Variants in C9 observed in about 807,000 individuals in gnomAD.
The protein encoded by C9 is complement C9, also known as complement component C9.
In C9, 63 loss-of-function variants were observed where a neutral mutation model predicts 65.4. The observed-to-expected ratio is 0.96, with a 90% CI of 0.79 to 1.19. The LOEUF is 1.19. Ranked by LOEUF, C9 falls within the 50% of genes most tolerant of loss-of-function variation. The probability of loss-of-function intolerance (pLI) is 0.00; values close to 1 mark genes in which losing one functional copy is unlikely to be tolerated. For synonymous variants in C9, 229 were observed against 227.9 expected (o/e 1.00, Z -0.04); for missense variants, 744 against 670.1 (o/e 1.11, Z -1.22).
intron 5 of C9, among the ~76,000 whole-genome samples, chr5:39,316,631 G>A (rs944718001): frequency 6.6e-6 from 1 of 152,160 alleles, no homozygotes; most frequent in Non-Finnish European, 1.5e-5. Flanking sequence ...ATGTGCTGAT[G>A]ATAATGGCTT....
intron 3 of C9, 61 bp from the exon 4 acceptor site, chr5:39,341,354 A>T: frequency 6.3e-7 from 1 of 1,589,262 alleles, no homozygotes; most frequent in Non-Finnish European, 8.6e-7. Context: ...TTTCTTTCTG[A>T]AGTTATCAAA....
chr5:39,342,104 C>G lies in C9; in HGVS notation c.170G>C (p.Cys57Ser), dbSNP rs779251528. 11 of 1,580,920 alleles carry G rather than the reference C, an allele frequency of 7.0e-6. No individual in the cohort carries two copies. The highest frequency in any genetic ancestry group is 9.6e-6 in the Non-Finnish European group (11 of 1,149,802). Residue 57 changes from cysteine to serine, a missense_variant, in exon 2 of 11, where the codon TGT (cysteine) becomes TCT (serine). Transcript: ENST00000263408. ...ATGAACACTTACCATTTGTCTGAGACAAGGATCGCATTGTGACCATTCACT... is the reference window on the plus strand; with the variant it reads ...ATGAACACTTACCATTTGTCTGAGAGAAGGATCGCATTGTGACCATTCACT... Reference protein sequence around the residue: ...PWSEWSQCDPCLRQMFRSRSI... With the variant: ...PWSEWSQCDPSLRQMFRSRSI...
At chr5:39,353,995 G>A (rs1399781134) in intron 1 of C9, among the ~76,000 whole-genome samples, 2 of 152,180 alleles carry the variant, frequency 1.3e-5, no homozygotes, top group African/African-American at 4.8e-5. Context: ...TTTGAGCAAG[G>A]ATTGCAAGGC....
chr5:39,331,916 C>G (rs879446850), intron 4 of C9, 102 bp from the exon 5 acceptor site: 2 of 961,578 alleles, frequency 2.1e-6, no homozygotes, highest in Non-Finnish European at 3.4e-6. Flanking sequence ...TTCATGTCAC[C>G]GTCACCCAAT....
intron 7 of C9, among the ~76,000 whole-genome samples, 200 bp downstream of exon 7, chr5:39,310,937 C>G (rs1291047904): frequency 6.6e-6 from 1 of 152,066 alleles, no homozygotes; most frequent in Non-Finnish European, 1.5e-5. Context: ...AGAGTATGAC[C>G]AAGTCAGCTT....
chr5:39,297,925 C>T (rs1370960555), intron 9 of C9, among the ~76,000 whole-genome samples: 1 of 151,484 alleles, frequency 6.6e-6, no homozygotes, highest in African/African-American at 2.4e-5. Flanking sequence ...ATATCTATGC[C>T]TTAAAAATAC....
intron 5 of C9, among the ~76,000 whole-genome samples, chr5:39,330,471 GA>G (rs1316222600): frequency 2.6e-5 from 4 of 152,130 alleles, no homozygotes; most frequent in African/African-American, 9.7e-5. Context: ...GTGAAGACAG[GA>G]AAACCGTAAA....
intron 4 of C9, among the ~76,000 whole-genome samples, chr5:39,332,635 C>T (rs1246884988): frequency 6.6e-6 from 1 of 152,196 alleles, no homozygotes; most frequent in Admixed American, 6.5e-5. Context: ...CGGCCCCAAG[C>T]CAGGGAGGCC....
At chr5:39,334,389 T>C (rs1753914063) in intron 4 of C9, among the ~76,000 whole-genome samples, 1 of 147,628 alleles carries the variant, frequency 6.8e-6, no homozygotes, top group East Asian at 2.0e-4. Context: ...CCGCCCCGTC[T>C]GAGAAGTGAG....
intron 1 of C9, among the ~76,000 whole-genome samples, chr5:39,350,938 A>C (rs1378186651): frequency 5.3e-5 from 8 of 152,134 alleles, no homozygotes; most frequent in Non-Finnish European, 1.5e-5. Context: ...TTTCCTCCAC[A>C]TTGCCCAAGT....
rs372453625 is a variant in C9, at chr5:39,341,551, A to G, written c.328+5T>C. 96 of 1,613,746 alleles carry G rather than the reference A, an allele frequency of 5.9e-5. 1 individual carries two copies. In the Middle Eastern group the frequency reaches 1.3e-3, roughly 22 times the overall value. ...CACAATGAGCAATTCAAGCACAAAG[A>G]TTACCTGTACTGCATTGAAAGTCAT... is the stretch of plus-strand genomic sequence containing the variant. On this transcript the variant is annotated splice_donor_5th_base_variant and intron_variant, in intron 3 of 10. Coordinates refer to ENST00000263408, the MANE Select transcript of C9 (RefSeq NM_001737.5).
At chr5:39,339,646 T>C (rs1487521360) in intron 4 of C9, among the ~76,000 whole-genome samples, 1 of 138,638 alleles carries the variant, frequency 7.2e-6, no homozygotes, top group African/African-American at 2.7e-5. Flanking sequence ...TACTGTCTTT[T>C]CTCTCTTTTT....
intron 4 of C9, among the ~76,000 whole-genome samples, chr5:39,337,800 A>G (rs1040131799): frequency 4.6e-5 from 7 of 152,262 alleles, no homozygotes; most frequent in African/African-American, 1.7e-4. Flanking sequence ...ATACAACTCA[A>G]TTCTCCTGGC....
Position 39,332,876 on chromosome 5 carries a change from T to A in C9, c.477-1062A>T, listed in dbSNP as rs540880752. 2.0e-5 allele frequency among the ~76,000 whole-genome samples: 3 copies of A among 152,360 alleles called. No homozygotes were observed. In the South Asian group the frequency reaches 6.2e-4, roughly 32 times the overall value. ...GGTAGTGGGTTAGTTAAAAACAACA[T>A]CTTTATATAAATAGCACATTTTACA... On this transcript the variant is annotated intron_variant, in intron 4 of 10. Coordinates refer to ENST00000263408, the MANE Select transcript of C9 (RefSeq NM_001737.5).
intron 6 of C9, 36 bp downstream of exon 6, chr5:39,315,739 C>T (rs746761191): frequency 1.3e-6 from 2 of 1,492,162 alleles, no homozygotes; most frequent in African/African-American, 1.4e-5. Context: ...TAGTTTGGAA[C>T]CTTTCTATAT....
intron 9 of C9, among the ~76,000 whole-genome samples, chr5:39,293,869 C>G (rs1753138682): frequency 6.6e-6 from 1 of 151,800 alleles, no homozygotes; most frequent in African/African-American, 2.4e-5. Flanking sequence ...TCTAAGACCA[C>G]ATGGAATAAA....
intron 9 of C9, among the ~76,000 whole-genome samples, chr5:39,294,279 G>T (rs1314239656): frequency 6.6e-6 from 1 of 151,474 alleles, no homozygotes; most frequent in African/African-American, 2.4e-5. Context: ...GTTGATTAAA[G>T]GTTTTTATTT....
intron 1 of C9, among the ~76,000 whole-genome samples, chr5:39,362,730 AT>A (rs1474949415): frequency 6.6e-6 from 1 of 152,126 alleles, no homozygotes; most frequent in East Asian, 1.9e-4. Flanking sequence ...TTTAAAAGTT[AT>A]TTTGCAAATT....
At chr5:39,319,474 A>G (rs114709226) in intron 5 of C9, among the ~76,000 whole-genome samples, 4,480 of 152,042 alleles carry the variant, frequency 0.029, 203 homozygotes, top group African/African-American at 0.1. Context: ...TAGACTCAGG[A>G]TTTTACTTGC....
Sources: gnomAD v4.1 joint callset for allele counts (sites outside exome capture counted in the v4.1 genomes callset) on GRCh38, gnomAD v4.1.1 for gene constraint, MANE v1.5 for transcripts, NCBI Gene and HGNC (gene_info 2026-07-23, HGNC 2026-07-21) for gene names.